RPRD2: variants seen among roughly 807,000 people sequenced by gnomAD.
The protein encoded by RPRD2 is regulation of nuclear pre-mRNA domain containing 2, also known as regulation of nuclear pre-mRNA domain-containing protein 2.
In RPRD2, 12 loss-of-function variants were observed where a neutral mutation model predicts 104.4. The observed-to-expected ratio is 0.11, with a 90% CI of 0.07 to 0.19. The LOEUF is 0.19. Ranked by LOEUF, RPRD2 falls within the 10% of genes least tolerant of loss-of-function variation. The probability of loss-of-function intolerance (pLI) is 1.00; values close to 1 mark genes in which losing one functional copy is unlikely to be tolerated. For missense variants in RPRD2, 1,543 were observed against 1,790.1 expected (o/e 0.86, Z 2.49); for synonymous variants, 714 against 684.9 (o/e 1.04, Z -0.66).
In RPRD2 at chr1:150,460,187, ACCT is replaced by A; in HGVS notation, c.1283_1285del (p.Pro428del). ...TGCCTGTGACCATGACAGCAACTCC[ACCT>A]CTTCCAAAGCCTGTGAATACTTCTC... On this transcript the variant is annotated inframe_deletion, in exon 9 of 11. Transcript: ENST00000369068. The A allele has an allele frequency of 1.9e-6, 3 of 1,613,764 alleles. No individual in the cohort carries two copies. The highest frequency in any genetic ancestry group is 2.5e-6 in the Non-Finnish European group (3 of 1,179,832).
chr1:150,427,809 T>C (rs1361200468), intron 2 of RPRD2, among the ~76,000 whole-genome samples: 5 of 152,070 alleles, frequency 3.3e-5, no homozygotes, highest in African/African-American at 7.2e-5. Flanking sequence ...AAATATGAAC[T>C]CTTTAGTAAA....
chr1:150,370,379 A>G (rs187440638), intron 1 of RPRD2, among the ~76,000 whole-genome samples: 13 of 152,290 alleles, frequency 8.5e-5, no homozygotes, highest in Non-Finnish European at 1.9e-4. Context: ...CCTGTAGATG[A>G]AAGTTCTACA....
At position 150,475,362 on chromosome 1, in the gene RPRD2, T is replaced by C. The variant is rs895519984; in HGVS notation, c.*2028T>C. 2.6e-5 allele frequency: 4 copies of C among 152,414 alleles called. No individual in the cohort carries two copies. The highest frequency in any genetic ancestry group is 5.9e-5 in the Non-Finnish European group (4 of 68,040). The allele number at this position is 152,414 out of a possible 1,614,324, so 9.4% of individuals were successfully genotyped here. ...AGAATAAAAGAATGTGAATTCTCTT[T>C]GCTGCTCTTGTTTAAGCTAAAAGTA... On this transcript the variant is annotated 3_prime_UTR_variant, in exon 11 of 11. Coordinates refer to ENST00000369068, the MANE Select transcript of RPRD2 (RefSeq NM_015203.5).
At chr1:150,378,123 A>G (rs1314651305) in intron 1 of RPRD2, among the ~76,000 whole-genome samples, 4 of 152,186 alleles carry the variant, frequency 2.6e-5, no homozygotes, top group Admixed American at 2.6e-4. Context: ...TTATATTTCC[A>G]GTCATTAATG....
At chr1:150,387,889 C>CTAATATGTA (rs1661709938) in intron 1 of RPRD2, among the ~76,000 whole-genome samples, 1 of 146,276 alleles carries the variant, frequency 6.8e-6, no homozygotes, top group Non-Finnish European at 1.5e-5. Context: ...TGCTCCTGGC[C>CTAATATGTA]ATTTTTTTCT....
chr1:150,440,799 G>T lies in RPRD2; in HGVS notation c.336-124G>T. 7.9e-6 allele frequency: 5 copies of T among 633,680 alleles called. No homozygotes were observed. In the South Asian group the frequency reaches 9.4e-5, roughly 12 times the overall value. The allele number at this position is 633,680 out of a possible 1,614,324, so 39.3% of individuals were successfully genotyped here. On this transcript the variant is annotated intron_variant, in intron 2 of 10. Transcript: ENST00000369068. ...TAGTCCTGGATATTATAGAAAAAAG[G>T]TTTTGAAATAAACATCAGAAGAAAT...
intron 7 of RPRD2, among the ~76,000 whole-genome samples, chr1:150,454,524 A>C (rs1401641505): frequency 2.6e-5 from 4 of 152,192 alleles, no homozygotes; most frequent in Admixed American, 6.6e-5. Flanking sequence ...GCAAAAAGCT[A>C]GATTCTAATG....
intron 1 of RPRD2, among the ~76,000 whole-genome samples, chr1:150,384,639 T>TTGTGTGTGTGTGTGTGTG (rs71086504): frequency 1.5e-5 from 2 of 133,352 alleles, no homozygotes; most frequent in African/African-American, 5.6e-5. Context: ...CCTGGCTAAT[T>TTGTGTGTGTGTGTGTGTG]TGTGTGTGTG....
intron 9 of RPRD2, among the ~76,000 whole-genome samples, chr1:150,462,980 G>A (rs782558259): frequency 2.0e-5 from 3 of 152,106 alleles, no homozygotes; most frequent in Non-Finnish European, 2.9e-5. Flanking sequence ...GAGCCTTTGA[G>A]TGGCTGAGAT....
At position 150,450,706 on chromosome 1, in the gene RPRD2, C is replaced by T. The variant is rs11205379; in HGVS notation, c.870+4305C>T. Among the ~76,000 whole-genome samples, 366 of 151,810 alleles carry T rather than the reference C, an allele frequency of 2.4e-3. 2 individuals carry two copies. Among genetic ancestry groups the T allele is most frequent in the African/African-American group, 8.3e-3 (343 of 41,444 alleles). On this transcript the variant is annotated intron_variant, in intron 7 of 10. Coordinates refer to ENST00000369068, the MANE Select transcript of RPRD2 (RefSeq NM_015203.5). Reference sequence around the variant, plus strand: ...CGCAATCTCGGCTCACTGCAACCCCCGCCTCCTGGGTTCAAGCGATTCTTC... The same window carrying T: ...CGCAATCTCGGCTCACTGCAACCCCTGCCTCCTGGGTTCAAGCGATTCTTC...
intron 1 of RPRD2, among the ~76,000 whole-genome samples, chr1:150,369,093 GT>G (rs1276159688): frequency 1.3e-5 from 2 of 152,204 alleles, no homozygotes; most frequent in African/African-American, 4.8e-5. Context: ...ATCAGTAAAT[GT>G]TTGCCAACAT....
intron 7 of RPRD2, 68 bp downstream of exon 7, chr1:150,446,469 AT>A: frequency 7.7e-7 from 1 of 1,295,690 alleles, no homozygotes; most frequent in Non-Finnish European, 1.1e-6. Context: ...GTTAACATGC[AT>A]TATCTAACTC....
Position 150,472,446 on chromosome 1 carries a change from A to C in RPRD2, c.3498A>C (p.Pro1166=). 3 of 1,613,950 alleles carry C rather than the reference A, an allele frequency of 1.9e-6. No homozygotes were observed. The South Asian group carries it at 3.3e-5, about 18-fold the overall frequency. ...GCCTCACTGGCTTTAAAACAGCACC[A>C]TACAAGGAACGGGCACCTCAATTTC... The part of the protein sequence containing the change: ...SGGLTGFKTA[P]YKERAPQFQE... The change falls in exon 11 of 11, where the codon CCA becomes CCC. Residue 1166 remains proline, a synonymous_variant. Transcript: ENST00000369068.
At chr1:150,371,222 T>C (rs1455461401) in intron 1 of RPRD2, among the ~76,000 whole-genome samples, 1 of 152,248 alleles carries the variant, frequency 6.6e-6, no homozygotes, top group Non-Finnish European at 1.5e-5. Context: ...AGCTAACTTT[T>C]GTTAAGTGCT....
At chr1:150,373,188 A>G (rs1660446964) in intron 1 of RPRD2, among the ~76,000 whole-genome samples, 1 of 151,756 alleles carries the variant, frequency 6.6e-6, no homozygotes. Context: ...TAATTTTTGT[A>G]TTTTTAGTAG....
chr1:150,460,021 A>G, intron 8 of RPRD2, 39 bp from the exon 9 acceptor site: 1 of 1,594,348 alleles, frequency 6.3e-7, no homozygotes, highest in Non-Finnish European at 8.6e-7. Context: ...AAGTCTGGAA[A>G]GTAGTAGGAT....
intron 1 of RPRD2, among the ~76,000 whole-genome samples, chr1:150,400,498 C>T (rs782543403): frequency 2.6e-5 from 4 of 152,158 alleles, no homozygotes; most frequent in Non-Finnish European, 5.9e-5. Flanking sequence ...AGGGAGTGCA[C>T]AGCCTACATC....
intron 2 of RPRD2, among the ~76,000 whole-genome samples, chr1:150,427,368 G>A (rs1553890748): frequency 6.6e-6 from 1 of 151,750 alleles, no homozygotes; most frequent in African/African-American, 2.4e-5. Context: ...AGCTACTTGG[G>A]AAGCTAAGGC....
chr1:150,452,949 C>T (rs1355409962), intron 7 of RPRD2, among the ~76,000 whole-genome samples: 1 of 151,826 alleles, frequency 6.6e-6, no homozygotes. Context: ...AGATTACAGG[C>T]GTGAGCCACT....
Sources: allele counts gnomAD v4.1 joint callset (sites outside exome capture counted in the v4.1 genomes callset), GRCh38; gene constraint gnomAD v4.1.1; transcripts MANE v1.5; gene names NCBI Gene and HGNC (gene_info 2026-07-23, HGNC 2026-07-21).